Variants in SMC5 observed in about 807,000 individuals in gnomAD.
The protein encoded by SMC5 is structural maintenance of chromosomes protein 5.
SMC5 carries 88 observed loss-of-function variants against 148.3 expected under a neutral mutation model. The ratio of observed to expected loss-of-function variants is 0.59; its 90% CI spans 0.50 to 0.71. The LOEUF (loss-of-function observed/expected upper bound fraction) is 0.71, where lower values mean the gene tolerates loss of function less well. SMC5 is among the 30% of genes least tolerant of loss of function. SMC5 has a pLI of 0.00. For missense variants in SMC5, 1,142 were observed against 1,298.9 expected (o/e 0.88, Z 1.86); for synonymous variants, 421 against 432.8 (o/e 0.97, Z 0.34).
intron 17 of SMC5, among the ~76,000 whole-genome samples, chr9:70,327,220 A>G (rs1369772118): frequency 6.6e-6 from 1 of 152,238 alleles, no homozygotes; most frequent in Non-Finnish European, 1.5e-5. Context: ...AAATGTTTAT[A>G]TAAGATTAGC....
intron 15 of SMC5, among the ~76,000 whole-genome samples, chr9:70,321,031 A>G (rs1443050888): frequency 6.6e-6 from 1 of 152,204 alleles, no homozygotes; most frequent in Non-Finnish European, 1.5e-5. Context: ...AATAGTTTTT[A>G]ACTCACAGAC....
chr9:70,306,446 T>C (rs577027808), intron 11 of SMC5, among the ~76,000 whole-genome samples: 1 of 152,168 alleles, frequency 6.6e-6, no homozygotes, highest in Non-Finnish European at 1.5e-5. Flanking sequence ...GTTGGATGTA[T>C]AAAATTATAC....
chr9:70,259,919 T>C (rs1371351404), intron 1 of SMC5, among the ~76,000 whole-genome samples: 1 of 150,560 alleles, frequency 6.6e-6, no homozygotes, highest in African/African-American at 2.5e-5. Context: ...AGTTCATTTG[T>C]TCCAGGTCTT....
At chr9:70,347,534 G>C in intron 20 of SMC5, 79 bp from the exon 21 acceptor site, 1 of 737,740 alleles carries the variant, frequency 1.4e-6, no homozygotes, top group Non-Finnish European at 2.2e-6. Flanking sequence ...TTCATTTAAT[G>C]TTTTAATCAA....
At chr9:70,346,869 T>A (rs2036678292) in intron 19 of SMC5, among the ~76,000 whole-genome samples, 197 bp from the exon 20 acceptor site, 1 of 152,226 alleles carries the variant, frequency 6.6e-6, no homozygotes, top group Admixed American at 6.5e-5. Flanking sequence ...TAAAGTGTTA[T>A]CCAGTACATA....
chr9:70,266,312 G>C (rs1171509136), intron 2 of SMC5, among the ~76,000 whole-genome samples: 1 of 152,108 alleles, frequency 6.6e-6, no homozygotes, highest in Non-Finnish European at 1.5e-5. Flanking sequence ...ACTTTTCTCT[G>C]TTAATAACTA....
chr9:70,310,338 A>T (rs1329154140), intron 11 of SMC5, among the ~76,000 whole-genome samples: 4 of 152,222 alleles, frequency 2.6e-5, no homozygotes, highest in Non-Finnish European at 4.4e-5. Flanking sequence ...ATTAATCTGC[A>T]TGTACATCTC....
intron 16 of SMC5, 142 bp from the exon 17 acceptor site, chr9:70,323,879 A>T: frequency 1.1e-6 from 1 of 871,296 alleles, no homozygotes; most frequent in South Asian, 2.2e-5. Flanking sequence ...AAATTGTTAC[A>T]AGAACTGTTT....
chr9:70,346,657 G>A lies in SMC5; in HGVS notation c.2568+8G>A, dbSNP rs750404630. 1 of 1,613,788 alleles carries A rather than the reference G, an allele frequency of 6.2e-7. No individual in the cohort carries two copies. The highest frequency in any genetic ancestry group is 2.2e-5 in the East Asian group (1 of 44,858). On this transcript the variant is annotated splice_region_variant and intron_variant, in intron 19 of 24. Coordinates refer to ENST00000361138, the MANE Select transcript of SMC5 (RefSeq NM_015110.4). Reference sequence around the variant, plus strand: ...AACTCCTCACTCCCCATGGTATGCAGTACTCATTCTTTTTTCCCAAGCTCC... The same window carrying A: ...AACTCCTCACTCCCCATGGTATGCAATACTCATTCTTTTTTCCCAAGCTCC...
At chr9:70,278,225 T>G (rs1429377126) in intron 4 of SMC5, among the ~76,000 whole-genome samples, 1 of 152,138 alleles carries the variant, frequency 6.6e-6, no homozygotes, top group Non-Finnish European at 1.5e-5. Context: ...CTATGTGTTC[T>G]TTTATTCCCA....
rs533307870 is a variant in SMC5 at position 70,338,990 on chromosome 9, T to TA, written c.2398-5145dup. 4.2e-3 allele frequency among the ~76,000 whole-genome samples: 629 copies of TA among 151,258 alleles called. 5 individuals carry two copies. The highest frequency in any genetic ancestry group is 5.5e-3 in the Non-Finnish European group (376 of 67,756). ...GGGCAACACTGTAAGACCTTATCTC[T>TA]AAAAAAAAATAAAATAAAATTTTTT... On this transcript the variant is annotated intron_variant, in intron 17 of 24. Coordinates refer to ENST00000361138, the MANE Select transcript of SMC5 (RefSeq NM_015110.4).
intron 7 of SMC5, 29 bp downstream of exon 7, chr9:70,282,612 C>T (rs988148552): frequency 6.5e-7 from 1 of 1,535,384 alleles, no homozygotes. Context: ...TTTGGATTAT[C>T]TGAATTTTAT....
At chr9:70,271,000 GA>G (rs972915171) in intron 3 of SMC5, among the ~76,000 whole-genome samples, 1 of 152,104 alleles carries the variant, frequency 6.6e-6, no homozygotes, top group African/African-American at 2.4e-5. Flanking sequence ...CTTGGGACCA[GA>G]AGTGTTTTGG....
chr9:70,290,184 G>A (rs925944395), intron 8 of SMC5, among the ~76,000 whole-genome samples: 3 of 152,146 alleles, frequency 2.0e-5, no homozygotes, highest in African/African-American at 7.2e-5. Flanking sequence ...ATTTGATCGT[G>A]TTGCTTTTGT....
chr9:70,261,634 A>C (rs2034139061), intron 1 of SMC5, among the ~76,000 whole-genome samples: 1 of 152,152 alleles, frequency 6.6e-6, no homozygotes, highest in South Asian at 2.1e-4. Context: ...AACAGATGAG[A>C]GTTTTGGGAG....
chr9:70,301,009 A>G (rs945879076), intron 10 of SMC5, among the ~76,000 whole-genome samples: 9 of 152,118 alleles, frequency 5.9e-5, no homozygotes, highest in Non-Finnish European at 8.8e-5. Context: ...ATCATTTTAT[A>G]TAGTTTTCAA....
chr9:70,352,542 A>G lies in SMC5; in HGVS notation c.*211A>G, dbSNP rs1469741294. ...GTTAAGTCTTCTTCAGTCTTGGTTG[A>G]ACTTGAGTTCTTGGCACTCTGACCA... On this transcript the variant is annotated 3_prime_UTR_variant, in exon 25 of 25. Coordinates refer to ENST00000361138, the MANE Select transcript of SMC5 (RefSeq NM_015110.4). 2 of 476,044 alleles carry G rather than the reference A, an allele frequency of 4.2e-6. No homozygotes were observed. The highest frequency in any genetic ancestry group is 7.3e-6 in the Non-Finnish European group (2 of 272,816). 29.5% of individuals were successfully genotyped at this position (476,044 alleles called of 1,614,324 possible).
At chr9:70,305,193 TTAA>T (rs1048359565) in intron 10 of SMC5, 51 bp from the exon 11 acceptor site, 82 of 750,812 alleles carry the variant, frequency 1.1e-4, no homozygotes, top group Non-Finnish European at 1.5e-4. Context: ...TAAACATGTT[TTAA>T]TAATCAGTTG....
rs532080518 is a variant in SMC5, at chr9:70,313,717, C to T, written c.1579-1025C>T. On this transcript the variant is annotated intron_variant, in intron 11 of 24. Coordinates refer to ENST00000361138, the MANE Select transcript of SMC5 (RefSeq NM_015110.4). Reference sequence around the variant, plus strand: ...CTTTCACCATGTTGGTCGGGCTGGTCTTGAACTCCTGACCTCAGTTGATCC... The same window carrying T: ...CTTTCACCATGTTGGTCGGGCTGGTTTTGAACTCCTGACCTCAGTTGATCC... Among the ~76,000 whole-genome samples the T allele has an allele frequency of 5.9e-5, 9 of 152,226 alleles. No homozygotes were observed. The South Asian group carries it at 1.9e-3, about 32-fold the overall frequency.
Sources: allele counts gnomAD v4.1 joint callset (sites outside exome capture counted in the v4.1 genomes callset), GRCh38; gene constraint gnomAD v4.1.1; transcripts MANE v1.5; gene names NCBI Gene and HGNC (gene_info 2026-07-23, HGNC 2026-07-21).